The following VTI1A variants were observed in gnomAD, a reference collection of about 807,000 sequenced individuals.
VTI1A encodes the protein vesicle transport through interaction with t-SNAREs homolog 1A.
VTI1A carries 22 observed loss-of-function variants against 34.9 expected under a neutral mutation model. That is an observed-to-expected ratio of 0.63 (90% CI 0.45 to 0.90). VTI1A has a LOEUF of 0.90. Among genes scored for constraint, VTI1A ranks in the 40% least tolerant of loss-of-function variants. The probability of loss-of-function intolerance (pLI) is 0.00; values close to 1 mark genes in which losing one functional copy is unlikely to be tolerated. For missense variants in VTI1A, 268 were observed against 275.6 expected (o/e 0.97, Z 0.20); for synonymous variants, 87 against 97.3 (o/e 0.89, Z 0.62).
At chr10:112,489,635 G>A (rs1848754739) in intron 3 of VTI1A, among the ~76,000 whole-genome samples, 1 of 152,124 alleles carries the variant, frequency 6.6e-6, no homozygotes, top group South Asian at 2.1e-4. Context: ...CTCTCTCAGA[G>A]TAAAACTCAG....
intron 7 of VTI1A, among the ~76,000 whole-genome samples, chr10:112,766,349 G>A (rs777747518): frequency 1.1e-4 from 16 of 152,180 alleles, no homozygotes; most frequent in Admixed American, 2.6e-4. Flanking sequence ...TTATTATGGA[G>A]TTACTTTAAA....
intron 5 of VTI1A, among the ~76,000 whole-genome samples, chr10:112,579,090 A>G (rs538465913): frequency 1.3e-5 from 2 of 152,352 alleles, no homozygotes; most frequent in Admixed American, 6.5e-5. Context: ...AGCAACATGG[A>G]AGATAATCCC....
chr10:112,781,241 G>T (rs111582191), intron 7 of VTI1A, among the ~76,000 whole-genome samples: 9 of 151,920 alleles, frequency 5.9e-5, no homozygotes, highest in Non-Finnish European at 1.3e-4. Context: ...CACCGCGCCC[G>T]GCCCAGATCT....
chr10:112,758,217 G>A (rs1851352499), intron 7 of VTI1A, among the ~76,000 whole-genome samples: 1 of 152,128 alleles, frequency 6.6e-6, no homozygotes, highest in Non-Finnish European at 1.5e-5. Flanking sequence ...CTTGCACAGG[G>A]TAGTAGAGTC....
chr10:112,613,015 G>A (rs1287559747), intron 5 of VTI1A, among the ~76,000 whole-genome samples: 1 of 152,002 alleles, frequency 6.6e-6, no homozygotes, highest in African/African-American at 2.4e-5. Flanking sequence ...GATAATGGCT[G>A]TTTTTTTAAA....
the VTI1A span, chr10:112,831,752 G>A: frequency 5.3e-5 from 8 of 152,166 alleles, no homozygotes; most frequent in African/African-American, 1.9e-4. Context: ...TTTAAAGACA[G>A]CTCAGGAGAT....
At chr10:112,545,980 GTGTGTGTATATACGTGTATACGCGTA>G (rs1851073550) in intron 5 of VTI1A, among the ~76,000 whole-genome samples, 1 of 143,684 alleles carries the variant, frequency 7.0e-6, no homozygotes, top group Admixed American at 6.7e-5. Context: ...ATACACGTAT[GTGTGTGTATATACGTGTATACGCGTA>G]TGTGTGTGTA....
At chr10:112,651,032 T>C (rs1370791880) in intron 5 of VTI1A, among the ~76,000 whole-genome samples, 2 of 152,214 alleles carry the variant, frequency 1.3e-5, no homozygotes, top group Non-Finnish European at 2.9e-5. Context: ...GAGGTTATTG[T>C]TTCTTCTCTT....
intron 7 of VTI1A, among the ~76,000 whole-genome samples, chr10:112,691,629 A>G (rs1250156388): frequency 1.3e-5 from 2 of 152,232 alleles, no homozygotes; most frequent in Admixed American, 6.5e-5. Flanking sequence ...TCAGGCATAC[A>G]TAGAAATGTG....
At chr10:112,609,769 A>AT (rs1361493729) in intron 5 of VTI1A, among the ~76,000 whole-genome samples, 1 of 152,180 alleles carries the variant, frequency 6.6e-6, no homozygotes, top group Non-Finnish European at 1.5e-5. Flanking sequence ...GGTGAATTAA[A>AT]TGTTCTGGGT....
intron 7 of VTI1A, among the ~76,000 whole-genome samples, chr10:112,814,888 T>C (rs1853455092): frequency 6.6e-6 from 1 of 152,148 alleles, no homozygotes; most frequent in Admixed American, 6.6e-5. Flanking sequence ...CCTTGGAGTA[T>C]TTTACTTTAA....
intron 7 of VTI1A, among the ~76,000 whole-genome samples, chr10:112,780,000 C>G (rs1415825239): frequency 6.6e-6 from 1 of 150,718 alleles, no homozygotes; most frequent in Non-Finnish European, 1.5e-5. Flanking sequence ...TAATTCTAAA[C>G]TTAGTTGTAT....
rs55966805 is a variant in VTI1A, at chr10:112,810,401, C to CAA, written c.561-4871_561-4870dup. 9.6e-3 allele frequency among the ~76,000 whole-genome samples: 859 copies of CAA among 89,356 alleles called. 7 individuals are homozygous for CAA. The highest frequency in any genetic ancestry group is 0.015 in the Non-Finnish European group (673 of 43,608). 58.6% of individuals were successfully genotyped at this position (89,356 alleles called of 152,430 possible). Reference sequence around the variant, plus strand: ...CTGGAGACAGAGAATGACTCCATCTCAAAAAAAAAAAAAAAAAAAGTTAAA... The same window carrying CAA: ...CTGGAGACAGAGAATGACTCCATCTCAAAAAAAAAAAAAAAAAAAAAGTTAAA... On this transcript the variant is annotated intron_variant, in intron 7 of 7. Coordinates refer to ENST00000393077, the MANE Select transcript of VTI1A (RefSeq NM_145206.4).
At chr10:112,661,764 G>GTTTT (rs34974968) in intron 5 of VTI1A, among the ~76,000 whole-genome samples, 5 of 105,932 alleles carry the variant, frequency 4.7e-5, no homozygotes, top group Non-Finnish European at 5.5e-5. Context: ...CTGCTGTTAA[G>GTTTT]TTTTTTTTTT....
At chr10:112,558,530 C>T (rs540774716) in intron 5 of VTI1A, among the ~76,000 whole-genome samples, 1 of 152,258 alleles carries the variant, frequency 6.6e-6, no homozygotes, top group East Asian at 1.9e-4. Flanking sequence ...TGAATGAAGA[C>T]TATAGAGGTT....
intron 7 of VTI1A, among the ~76,000 whole-genome samples, chr10:112,742,438 G>A (rs886777304): frequency 6.6e-6 from 1 of 152,218 alleles, no homozygotes; most frequent in Non-Finnish European, 1.5e-5. Context: ...TTTTGAGCCT[G>A]AAACTCAGCT....
At chr10:112,606,029 CTT>C (rs67139785) in intron 5 of VTI1A, among the ~76,000 whole-genome samples, 2 of 139,156 alleles carry the variant, frequency 1.4e-5, no homozygotes, top group African/African-American at 2.6e-5. Context: ...TTCTTTTTTT[CTT>C]TTTTTTTTTT....
intron 3 of VTI1A, among the ~76,000 whole-genome samples, chr10:112,524,625 A>G (rs2134215961): frequency 6.6e-6 from 1 of 152,284 alleles, no homozygotes; most frequent in South Asian, 2.1e-4. Context: ...TAACCAAAAC[A>G]AGATTCGATA....
intron 1 of VTI1A, chr10:112,448,305 A>G (rs1013080337): frequency 4.6e-5 from 7 of 152,314 alleles, no homozygotes; most frequent in Non-Finnish European, 7.3e-5. Flanking sequence ...TTGGTACAAG[A>G]TAATTTTTCA....
Sources: allele counts gnomAD v4.1 joint callset (sites outside exome capture counted in the v4.1 genomes callset), GRCh38; gene constraint gnomAD v4.1.1; transcripts MANE v1.5; gene names NCBI Gene and HGNC (gene_info 2026-07-23, HGNC 2026-07-21).